Variants in FAT3 observed in about 807,000 individuals in gnomAD.
FAT3 encodes FAT atypical cadherin 3.
In FAT3, 95 loss-of-function variants were observed where a neutral mutation model predicts 310.2. That is an observed-to-expected ratio of 0.31 (90% CI 0.26 to 0.36). The LOEUF is 0.36. Ranked by LOEUF, FAT3 falls within the 10% of genes least tolerant of loss-of-function variation. The probability of loss-of-function intolerance (pLI) is 1.00; values close to 1 mark genes in which losing one functional copy is unlikely to be tolerated. For synonymous variants in FAT3, 2,314 were observed against 2,192.9 expected (o/e 1.06, Z -1.54); for missense variants, 5,408 against 5,715.6 (o/e 0.95, Z 1.74).
intron 2 of FAT3, among the ~76,000 whole-genome samples, chr11:92,438,754 T>C (rs1037145851): frequency 3.9e-5 from 6 of 152,146 alleles, no homozygotes; most frequent in African/African-American, 1.4e-4. Flanking sequence ...GAGAAGACCA[T>C]GTTGTCTAAT....
At chr11:92,859,055 C>A in intron 20 of FAT3, 110 bp from the exon 21 acceptor site, 1 of 1,013,282 alleles carries the variant, frequency 9.9e-7, no homozygotes, top group Non-Finnish European at 1.4e-6. Context: ...ATTAACTTCT[C>A]ATGCATGGTC....
intron 3 of FAT3, among the ~76,000 whole-genome samples, chr11:92,574,061 G>A (rs1039750953): frequency 2.6e-5 from 4 of 152,082 alleles, no homozygotes; most frequent in African/African-American, 7.2e-5. Flanking sequence ...GACATGCATC[G>A]AAATATCACA....
intron 3 of FAT3, among the ~76,000 whole-genome samples, chr11:92,592,637 A>C (rs1939499069): frequency 6.6e-6 from 1 of 152,062 alleles, no homozygotes; most frequent in Admixed American, 6.6e-5. Context: ...TCTTTTTAGG[A>C]GTATAAATCA....
chr11:92,619,272 C>G (rs570965865), intron 3 of FAT3, among the ~76,000 whole-genome samples: 3 of 152,176 alleles, frequency 2.0e-5, no homozygotes, highest in South Asian at 2.1e-4. Flanking sequence ...CATATATATT[C>G]ATAAGAGATA....
At chr11:92,292,910 G>C (rs983301718) in intron 1 of FAT3, among the ~76,000 whole-genome samples, 5 of 151,948 alleles carry the variant, frequency 3.3e-5, no homozygotes, top group African/African-American at 1.2e-4. Flanking sequence ...CTATTCAGGA[G>C]GTCAAGTCAG....
At chr11:92,664,791 T>C (rs1942900750) in intron 3 of FAT3, among the ~76,000 whole-genome samples, 1 of 152,240 alleles carries the variant, frequency 6.6e-6, no homozygotes, top group African/African-American at 2.4e-5. Flanking sequence ...AGTCAAATTT[T>C]ACATTGATTG....
chr11:92,707,755 A>G (rs1175324231), intron 4 of FAT3, among the ~76,000 whole-genome samples: 5 of 152,218 alleles, frequency 3.3e-5, no homozygotes, highest in Non-Finnish European at 1.5e-5. Flanking sequence ...TCTGAGCTAC[A>G]GAATGATCTG....
chr11:92,816,913 T>C (rs1591773583), intron 13 of FAT3, among the ~76,000 whole-genome samples: 1 of 150,944 alleles, frequency 6.6e-6, no homozygotes, highest in Non-Finnish European at 1.5e-5. Context: ...GAGGTGGAGG[T>C]TGCAGTGAGC....
intron 3 of FAT3, among the ~76,000 whole-genome samples, chr11:92,592,612 A>C (rs1939496941): frequency 6.8e-6 from 1 of 147,278 alleles, no homozygotes; most frequent in Non-Finnish European, 1.5e-5. Context: ...GAGCCACCAC[A>C]CCTGGCCCTA....
At chr11:92,549,517 A>G (rs1384782415) in intron 3 of FAT3, among the ~76,000 whole-genome samples, 1 of 152,202 alleles carries the variant, frequency 6.6e-6, no homozygotes, top group Non-Finnish European at 1.5e-5. Flanking sequence ...AGTGAGACTC[A>G]GTTTATGGTA....
At chr11:92,837,832 C>T in intron 17 of FAT3, 26 bp downstream of exon 17, 1 of 1,613,766 alleles carries the variant, frequency 6.2e-7, no homozygotes, top group Non-Finnish European at 8.5e-7. Flanking sequence ...CTGCCAAGCA[C>T]TTGTCCCTTT....
At chr11:92,410,790 C>T (rs1293873564) in intron 2 of FAT3, among the ~76,000 whole-genome samples, 1 of 151,826 alleles carries the variant, frequency 6.6e-6, no homozygotes, top group African/African-American at 2.4e-5. Context: ...CCTGCCAGAA[C>T]CAGGCAAAAT....
At chr11:92,726,974 A>G (rs980402882) in intron 4 of FAT3, among the ~76,000 whole-genome samples, 4 of 152,146 alleles carry the variant, frequency 2.6e-5, no homozygotes, top group African/African-American at 2.4e-5. Context: ...AAATCTCAAT[A>G]AAATGAACAT....
At chr11:92,388,479 A>G (rs992373014) in intron 2 of FAT3, among the ~76,000 whole-genome samples, 78 of 152,308 alleles carry the variant, frequency 5.1e-4, no homozygotes, top group African/African-American at 1.8e-3. Context: ...AGATGAAGAC[A>G]TGGCTATAAT....
chr11:92,525,006 A>T, intron 3 of FAT3, 58 bp downstream of exon 3: 1 of 1,340,890 alleles, frequency 7.5e-7, no homozygotes, highest in Non-Finnish European at 1.0e-6. Flanking sequence ...TAAATTCATC[A>T]GCCTGACACT....
chr11:92,637,459 T>C (rs1004306557), intron 3 of FAT3, among the ~76,000 whole-genome samples: 2 of 152,220 alleles, frequency 1.3e-5, no homozygotes, highest in African/African-American at 4.8e-5. Flanking sequence ...GCCTCCAGCT[T>C]GTTGAAAAGA....
At chr11:92,472,525 G>GA (rs1951935369) in intron 2 of FAT3, among the ~76,000 whole-genome samples, 2 of 152,156 alleles carry the variant, frequency 1.3e-5, no homozygotes, top group African/African-American at 4.8e-5. Context: ...CAGTCAAAAA[G>GA]AAAAATAAAA....
chr11:92,472,964 T>A (rs562274333), intron 2 of FAT3, among the ~76,000 whole-genome samples: 4 of 152,174 alleles, frequency 2.6e-5, no homozygotes, highest in Non-Finnish European at 4.4e-5. Flanking sequence ...TGACTTCCAG[T>A]TTGTTCCTCC....
chr11:92,780,724 G>A (rs527830332), intron 7 of FAT3, among the ~76,000 whole-genome samples: 2 of 152,260 alleles, frequency 1.3e-5, no homozygotes, highest in East Asian at 3.9e-4. Flanking sequence ...TCTTAAGATG[G>A]TGGCTTAGGG....
Sources: allele counts gnomAD v4.1 joint callset (sites outside exome capture counted in the v4.1 genomes callset), GRCh38; gene constraint gnomAD v4.1.1; transcripts MANE v1.5; gene names NCBI Gene and HGNC (gene_info 2026-07-23, HGNC 2026-07-21).